Variants in RPS10 observed in about 807,000 individuals in gnomAD.
RPS10 encodes the protein ribosomal protein S10.
Under a neutral mutation model 22.6 loss-of-function variants are expected in RPS10, and 2 were observed. The observed-to-expected ratio is 0.09, with a 90% CI of 0.04 to 0.28. The LOEUF (loss-of-function observed/expected upper bound fraction) is 0.28. Ranked by LOEUF, RPS10 falls within the 10% of genes least tolerant of loss-of-function variation. The pLI, the probability that RPS10 is intolerant of heterozygous loss-of-function variation, is 1.00. For synonymous variants in RPS10, 70 were observed against 75.9 expected (o/e 0.92, Z 0.40); for missense variants, 137 against 222.2 (o/e 0.62, Z 2.44).
chr6:34,424,163 A>AAAAAAAAAAAAAAAAAAAAAAC (rs1561939868), intron 3 of RPS10: 3 of 150,930 alleles, frequency 2.0e-5, no homozygotes, highest in East Asian at 1.9e-4. Flanking sequence ...AAAAAAAAAA[A>AAAAAAAAAAAAAAAAAAAAAAC]AGCAACTGTG....
At chr6:34,423,570 A>C (rs1765841220) in intron 3 of RPS10, among the ~76,000 whole-genome samples, 1 of 152,204 alleles carries the variant, frequency 6.6e-6, no homozygotes, top group South Asian at 2.1e-4. Context: ...TCCAAGATGT[A>C]GTAGACAACT....
intron 3 of RPS10, among the ~76,000 whole-genome samples, chr6:34,422,538 C>A (rs879907927): frequency 3.3e-5 from 5 of 152,140 alleles, no homozygotes; most frequent in Non-Finnish European, 7.3e-5. Context: ...TGGTCTCCAA[C>A]TCCTGACCTC....
In RPS10 at chr6:34,417,525, C is replaced by T. The variant is rs139095177; in HGVS notation, c.479G>A (p.Arg160His). The T allele has an allele frequency of 5.6e-6, 9 of 1,612,792 alleles. No individual in the cohort carries two copies. In the African/African-American group the frequency reaches 9.3e-5, roughly 17 times the overall value. The change falls in exon 6 of 6, where the codon CGT becomes CAT. Residue 160 changes from arginine to histidine, a missense_variant. Arg to His is a conservative substitution (Grantham distance 29, BLOSUM62 0). Transcript: ENST00000648437. ...CCAATTTTACTGAGGTGGCTGACCA[C>T]GTCCACGACCAAATCCGCCTCTCTG... ...FQFRGGFGRG[R>H]GQPPQ
intron 1 of RPS10, 45 bp from the exon 2 acceptor site, chr6:34,425,266 G>A: frequency 4.5e-6 from 7 of 1,563,912 alleles, no homozygotes; most frequent in Non-Finnish European, 6.1e-6. Flanking sequence ...GAGTAACGAG[G>A]CCGGGGCCCG....
intron 4 of RPS10, 76 bp from the exon 5 acceptor site, chr6:34,418,500 C>T (rs1374188769): frequency 2.9e-5 from 47 of 1,606,986 alleles, no homozygotes; most frequent in Non-Finnish European, 3.6e-5. Context: ...AACTCACTGA[C>T]TCCAATCTTG....
In RPS10 at chr6:34,424,383, C is replaced by T. The variant is rs76830651; in HGVS notation, c.322+286G>A. On this transcript the variant is annotated intron_variant, in intron 3 of 5. Coordinates refer to ENST00000648437, the MANE Select transcript of RPS10 (RefSeq NM_001014.5). ...CTCGGGAATAGTACAACGCACTCTG[C>T]GGGAAAAGTTACTCAATATTCTATA... is the stretch of plus-strand genomic sequence containing the variant. 4.7e-3 allele frequency: 2,024 copies of T among 427,720 alleles called. 18 individuals are homozygous for T. Among genetic ancestry groups the T allele is most frequent in the African/African-American group, 0.024 (1,202 of 49,690 alleles). 26.5% of individuals were successfully genotyped at this position (427,720 alleles called of 1,614,324 possible).
chr6:34,425,597 G>A (rs927307576), intron 1 of RPS10: 2 of 313,452 alleles, frequency 6.4e-6, no homozygotes, highest in Non-Finnish European at 6.3e-6. Flanking sequence ...AGGTACGCAG[G>A]GAAGGCCCGG....
rs776972945 is a variant in RPS10, at chr6:34,417,465, T to A, written c.*41A>T. ...AAATGGACAAAAGATTAAGGTTTTT[T>A]GGCTGTAAGTTTATTCAATGCAAAA... On this transcript the variant is annotated 3_prime_UTR_variant, in exon 6 of 6. Coordinates refer to ENST00000648437, the MANE Select transcript of RPS10 (RefSeq NM_001014.5). The A allele has an allele frequency of 2.5e-6, 4 of 1,573,140 alleles. No homozygotes were observed. The highest frequency in any genetic ancestry group is 3.5e-6 in the Non-Finnish European group (4 of 1,144,836).
At chr6:34,420,537 G>C (rs927161443) in intron 4 of RPS10, among the ~76,000 whole-genome samples, 1 of 151,990 alleles carries the variant, frequency 6.6e-6, no homozygotes, top group Middle Eastern at 3.2e-3. Context: ...TAAACTTCCA[G>C]TATCACCAAC....
chr6:34,422,777 A>G (rs747936540), intron 3 of RPS10, among the ~76,000 whole-genome samples: 20 of 151,550 alleles, frequency 1.3e-4, no homozygotes, highest in Non-Finnish European at 2.7e-4. Context: ...TTTAAGAGCT[A>G]CCTTAAAAAA....
chr6:34,425,383 G>C (rs1357394069), intron 1 of RPS10, 162 bp from the exon 2 acceptor site: 1 of 834,626 alleles, frequency 1.2e-6, no homozygotes, highest in Non-Finnish European at 1.9e-6. Flanking sequence ...AGCTCCGTCA[G>C]TCCCCACCCC....
chr6:34,422,848 A>C (rs542598135), intron 3 of RPS10, among the ~76,000 whole-genome samples: 1 of 151,652 alleles, frequency 6.6e-6, no homozygotes, highest in Admixed American at 6.6e-5. Flanking sequence ...TTGGGAGGCC[A>C]AGGCAGGTGA....
intron 5 of RPS10, chr6:34,418,046 G>T: frequency 2.5e-6 from 2 of 793,130 alleles, no homozygotes; most frequent in Non-Finnish European, 2.0e-6. Flanking sequence ...ACTGAAAAAA[G>T]ATGGAGGATT....
chr6:34,423,740 T>C (rs769716316), intron 3 of RPS10, among the ~76,000 whole-genome samples: 2 of 151,982 alleles, frequency 1.3e-5, no homozygotes, highest in Non-Finnish European at 2.9e-5. Flanking sequence ...AAAAATTAGC[T>C]GGGTGTCGCT....
intron 5 of RPS10, chr6:34,418,143 T>G (rs1381421855): frequency 2.8e-6 from 4 of 1,452,878 alleles, no homozygotes; most frequent in Non-Finnish European, 3.6e-6. Context: ...AAAATACTAG[T>G]AGGCCACATG....
At chr6:34,418,550 T>C in intron 4 of RPS10, 126 bp from the exon 5 acceptor site, 1 of 1,431,850 alleles carries the variant, frequency 7.0e-7, no homozygotes, top group East Asian at 2.4e-5. Context: ...TATAAGCAAA[T>C]TACACCAGTG....
intron 4 of RPS10, among the ~76,000 whole-genome samples, chr6:34,419,172 C>T (rs774267741): frequency 2.0e-5 from 3 of 152,108 alleles, no homozygotes; most frequent in Non-Finnish European, 2.9e-5. Flanking sequence ...GCATGCGCCA[C>T]CATGCATGGC....
intron 4 of RPS10, among the ~76,000 whole-genome samples, chr6:34,419,169 C>A (rs1765677922): frequency 6.6e-6 from 1 of 151,810 alleles, no homozygotes; most frequent in Non-Finnish European, 1.5e-5. Flanking sequence ...CAGGCATGCG[C>A]CACCATGCAT....
At chr6:34,424,335 G>A (rs766031312) in intron 3 of RPS10, 160 of 331,036 alleles carry the variant, frequency 4.8e-4, no homozygotes, top group Non-Finnish European at 8.4e-4. Context: ...TTTCGAGGTG[G>A]TAAATGGCTT....
Sources: allele counts gnomAD v4.1 joint callset (sites outside exome capture counted in the v4.1 genomes callset), GRCh38; gene constraint gnomAD v4.1.1; transcripts MANE v1.5; gene names NCBI Gene and HGNC (gene_info 2026-07-23, HGNC 2026-07-21).